The following SPTA1 variants were observed in gnomAD, a reference collection of about 807,000 sequenced individuals.
The protein encoded by SPTA1 is spectrin alpha chain, erythrocytic 1.
In SPTA1, 177 loss-of-function variants were observed where a neutral mutation model predicts 324.7. The observed-to-expected ratio is 0.55, with a 90% confidence interval of 0.48 to 0.62. The LOEUF (loss-of-function observed/expected upper bound fraction) is 0.62, where lower values mean the gene tolerates loss of function less well. Among genes scored for constraint, SPTA1 ranks in the 20% least tolerant of loss-of-function variants. The pLI, the probability that SPTA1 is intolerant of heterozygous loss-of-function variation, is 0.00. For synonymous variants in SPTA1, 1,195 were observed against 1,041.3 expected (o/e 1.15, Z -2.84); for missense variants, 3,162 against 2,883.6 (o/e 1.10, Z -2.21).
At position 158,620,348 on chromosome 1, in the gene SPTA1, T is replaced by C. The variant is rs1393145178; in HGVS notation, c.6239A>G (p.Gln2080Arg). Residue 2080 changes from glutamine to arginine, a missense_variant, in exon 44 of 52, where the codon CAG becomes CGG. Physicochemically the swap from Gln to Arg is conservative, Grantham distance 43. Transcript: ENST00000643759. ...GAAGTCCTCATGGTCTTTCTGCAGCTGCCGAATTTCATTCAGGGAGACACA... is the reference window on the plus strand; with the variant it reads ...GAAGTCCTCATGGTCTTTCTGCAGCCGCCGAATTTCATTCAGGGAGACACA... ...VHCVSLNEIR[Q>R]LQKDHEDFLA... The C allele has an allele frequency of 3.1e-6, 5 of 1,614,002 alleles. No individual in the cohort carries two copies. Among genetic ancestry groups the C allele is most frequent in the Non-Finnish European group, 4.2e-6 (5 of 1,180,048 alleles).
At chr1:158,627,380 T>C (rs183328083) in intron 40 of SPTA1, among the ~76,000 whole-genome samples, 2 of 152,276 alleles carry the variant, frequency 1.3e-5, no homozygotes, top group East Asian at 3.9e-4. Flanking sequence ...GACAACAAGA[T>C]GTCAACAAAG....
intron 7 of SPTA1, among the ~76,000 whole-genome samples, chr1:158,677,117 A>G (rs1654441205): frequency 6.6e-6 from 1 of 152,132 alleles, no homozygotes; most frequent in Non-Finnish European, 1.5e-5. Flanking sequence ...TTCTGGCTAC[A>G]TTTGTGAGGG....
chr1:158,651,902 T>TCC (rs1652465956), intron 23 of SPTA1, among the ~76,000 whole-genome samples: 2 of 151,000 alleles, frequency 1.3e-5, no homozygotes, highest in African/African-American at 2.5e-5. Flanking sequence ...TCTCTCTCTC[T>TCC]CTCTCTCTGT....
chr1:158,681,403 C>G, intron 4 of SPTA1, 124 bp downstream of exon 4: 1 of 1,520,874 alleles, frequency 6.6e-7, no homozygotes, highest in Middle Eastern at 1.7e-4. Flanking sequence ...TCCTCTTGTT[C>G]CAAAGAACAA....
intron 10 of SPTA1, among the ~76,000 whole-genome samples, chr1:158,673,969 C>T (rs759821775): frequency 1.3e-5 from 2 of 152,064 alleles, no homozygotes; most frequent in African/African-American, 2.4e-5. Context: ...TTTGCTTATT[C>T]CCTAAATAAT....
intron 26 of SPTA1, among the ~76,000 whole-genome samples, 182 bp downstream of exon 26, chr1:158,648,327 G>A (rs761668780): frequency 6.6e-6 from 1 of 152,132 alleles, no homozygotes; most frequent in Non-Finnish European, 1.5e-5. Flanking sequence ...CATGTTAATG[G>A]TCATGGGGCA....
At position 158,612,807 on chromosome 1, in the gene SPTA1, A is replaced by G. The variant is rs758280838; in HGVS notation, c.7134+10T>C. On this transcript the variant is annotated intron_variant, in intron 51 of 51. Transcript: ENST00000643759. Reference sequence around the variant, plus strand: ...TGACAGTGTAGTAGGGGAAGCAACCAGAATCGGACCTGCTTCATGTCTTCT... The same window carrying G: ...TGACAGTGTAGTAGGGGAAGCAACCGGAATCGGACCTGCTTCATGTCTTCT... 1.6e-5 allele frequency: 26 copies of G among 1,613,620 alleles called. No homozygotes were observed. The highest frequency in any genetic ancestry group is 1.9e-5 in the Non-Finnish European group (23 of 1,179,742).
chr1:158,634,846 A>G (rs550638479), intron 38 of SPTA1, among the ~76,000 whole-genome samples, 171 bp from the exon 39 acceptor site: 1 of 152,138 alleles, frequency 6.6e-6, no homozygotes, highest in African/African-American at 2.4e-5. Context: ...AGTGGTGAAG[A>G]TCTGCTGTGA....
In SPTA1 at chr1:158,613,782, C is replaced by A. The variant is rs780155497; in HGVS notation, c.6928G>T (p.Val2310Leu). 1 of 1,613,890 alleles carries A rather than the reference C, an allele frequency of 6.2e-7. No individual in the cohort carries two copies. The highest frequency in any genetic ancestry group is 1.7e-4 in the Middle Eastern group (1 of 6,056). The change falls in exon 50 of 52, where the codon GTG becomes TTG. Residue 2310 changes from valine (V) to leucine (L), a missense_variant. By Grantham distance (32) the Val-to-Leu change is conservative (BLOSUM62 1). Transcript: ENST00000643759. Reference protein sequence around the residue: ...LRGLNYYLPMVEEDEHEPKFE... With the variant: ...LRGLNYYLPMLEEDEHEPKFE... ...TTGGGCTCATGTTCATCCTCCTCCA[C>A]CATGGGCAAGTAGTAATTGAGTCCT...
chr1:158,653,970 G>T (rs1652646065), intron 21 of SPTA1, among the ~76,000 whole-genome samples: 1 of 152,068 alleles, frequency 6.6e-6, no homozygotes, highest in African/African-American at 2.4e-5. Context: ...AAGAAAAAAT[G>T]GACTGGCACA....
chr1:158,654,553 G>A, intron 21 of SPTA1, 58 bp downstream of exon 21: 1 of 1,608,714 alleles, frequency 6.2e-7, no homozygotes, highest in Non-Finnish European at 8.5e-7. Context: ...TGGCAGGATT[G>A]GGAGAGATGG....
intron 42 of SPTA1, among the ~76,000 whole-genome samples, chr1:158,625,426 T>A (rs930379944): frequency 6.6e-6 from 1 of 152,110 alleles, no homozygotes; most frequent in Non-Finnish European, 1.5e-5. Flanking sequence ...AAAATCTGGT[T>A]GGTAATATAA....
rs66516624 is a variant in SPTA1 at position 158,618,373 on chromosome 1, C to A, written c.6531-317G>T. 0.27 allele frequency among the ~76,000 whole-genome samples: 40,778 copies of A among 152,028 alleles called. 5,623 individuals are homozygous for A. The highest frequency in any genetic ancestry group is 0.33 in the Middle Eastern group (96 of 294). The stretch of plus-strand genomic sequence containing the variant: ...AAGAGAAGGGTGTTCTGTGTCTTCT[C>A]TGCCTTCTGTCAGATGGTTTAGACA... On this transcript the variant is annotated intron_variant, in intron 45 of 51. Transcript: ENST00000643759.
chr1:158,639,801 G>T, intron 34 of SPTA1, 69 bp downstream of exon 34: 8 of 1,612,692 alleles, frequency 5.0e-6, no homozygotes, highest in Non-Finnish European at 5.9e-6. Flanking sequence ...AATTGCCCAT[G>T]GGTAAATTCA....
chr1:158,615,702 A>G (rs1248260421), intron 47 of SPTA1, among the ~76,000 whole-genome samples: 2 of 113,968 alleles, frequency 1.8e-5, no homozygotes, highest in East Asian at 2.9e-4. Context: ...TCTATCATCT[A>G]TCTATCATCT....
chr1:158,636,311 G>A (rs781573522), intron 37 of SPTA1, among the ~76,000 whole-genome samples: 106 of 152,238 alleles, frequency 7.0e-4, no homozygotes, highest in Admixed American at 1.3e-3. Flanking sequence ...GAGTGACCCT[G>A]CTGCCAAGTC....
rs1272301887 is a variant in SPTA1, at chr1:158,613,864, G to A, written c.6846C>T (p.His2282=). 5 of 1,613,602 alleles carry A rather than the reference G, an allele frequency of 3.1e-6. No homozygotes were observed. Among genetic ancestry groups the A allele is most frequent in the Non-Finnish European group, 4.2e-6 (5 of 1,179,828 alleles). The part of the protein sequence containing the change: ...TLKEFSTIYK[H]FDENLTGRLT... ...GGCGCCCTGTCAAATTCTCATCAAA[G>A]TGTCTAAAGGATAAAAAAAGAAAAA... Residue 2282 remains histidine, a synonymous_variant, in exon 50 of 52, where the codon CAC becomes CAT. Transcript: ENST00000643759.
Position 158,678,478 on chromosome 1 carries a change from G to A in SPTA1, c.735C>T (p.Ala245=). ...GAGCCAAACCACGAAGGCGCTCCCA[G>A]GCAGCATTCACCTCATTTTGCTTAG... ...IQSKQNEVNA[A]WERLRGLALQ... The change falls in exon 6 of 52, where the codon GCC becomes GCT. Residue 245 remains alanine (A), a synonymous_variant. Coordinates refer to ENST00000643759, the MANE Select transcript of SPTA1 (RefSeq NM_003126.4). 1 of 1,613,700 alleles carries A rather than the reference G, an allele frequency of 6.2e-7. No individual in the cohort carries two copies. Among genetic ancestry groups the A allele is most frequent in the African/African-American group, 1.3e-5 (1 of 74,984 alleles).
At chr1:158,680,040 C>A (rs1192996086) in intron 5 of SPTA1, among the ~76,000 whole-genome samples, 1 of 152,130 alleles carries the variant, frequency 6.6e-6, no homozygotes, top group African/African-American at 2.4e-5. Context: ...TATATACTTA[C>A]ATATACATGT....
Sources: allele counts gnomAD v4.1 joint callset (sites outside exome capture counted in the v4.1 genomes callset), GRCh38; gene constraint gnomAD v4.1.1; transcripts MANE v1.5; gene names NCBI Gene and HGNC (gene_info 2026-07-23, HGNC 2026-07-21).